Variants in CCDC171 observed in about 807,000 individuals in gnomAD.
The protein encoded by CCDC171 is coiled-coil domain-containing protein 171.
A neutral mutation model predicts 168.2 loss-of-function variants in CCDC171; 177 were observed. That is an observed-to-expected ratio of 1.05 (90% CI 0.93 to 1.19). CCDC171 has a LOEUF of 1.19. Ranked by LOEUF, CCDC171 falls within the 50% of genes most tolerant of loss-of-function variation. CCDC171 has a pLI of 0.00. For synonymous variants in CCDC171, 687 were observed against 540.8 expected (o/e 1.27, Z -3.75); for missense variants, 1,991 against 1,539.0 (o/e 1.29, Z -4.91).
At chr9:15,937,847 C>T (rs2132244659) in intron 25 of CCDC171, among the ~76,000 whole-genome samples, 1 of 151,898 alleles carries the variant, frequency 6.6e-6, no homozygotes, top group Admixed American at 6.6e-5. Context: ...GTATTTAACT[C>T]TGTCACTGTG....
chr9:15,862,207 T>A (rs545483551), intron 23 of CCDC171, among the ~76,000 whole-genome samples: 10 of 151,876 alleles, frequency 6.6e-5, no homozygotes, highest in African/African-American at 1.2e-4. Flanking sequence ...GACTTAAAAA[T>A]TCTCTTTTTT....
chr9:16,002,868 C>A (rs974186573), intron 3 of CCDC171, among the ~76,000 whole-genome samples: 4 of 152,154 alleles, frequency 2.6e-5, no homozygotes, highest in Non-Finnish European at 5.9e-5. Context: ...CAACTGCCTA[C>A]AGTATTCAGT....
Position 15,908,426 on chromosome 9 carries a change from G to A in CCDC171, c.3601-11844G>A, listed in dbSNP as rs771744581. Reference sequence around the variant, plus strand: ...AAGGAGAAAAAACAAAACACTGCATGTTCTCACTCATAGGTGGGAATTGAA... The same window carrying A: ...AAGGAGAAAAAACAAAACACTGCATATTCTCACTCATAGGTGGGAATTGAA... On this transcript the variant is annotated intron_variant, in intron 24 of 25. Coordinates refer to ENST00000380701, the MANE Select transcript of CCDC171 (RefSeq NM_173550.4). Among the ~76,000 whole-genome samples the A allele has an allele frequency of 2.7e-5, 4 of 145,596 alleles. No homozygotes were observed. The East Asian group carries it at 8.2e-4, about 30-fold the overall frequency.
At chr9:15,587,246 A>G (rs2041637300) in intron 4 of CCDC171, among the ~76,000 whole-genome samples, 1 of 152,124 alleles carries the variant, frequency 6.6e-6, no homozygotes, top group Non-Finnish European at 1.5e-5. Context: ...CCCCTCCCAA[A>G]TCTCATCTTG....
chr9:15,994,758 C>A (rs1832317557), intron 3 of CCDC171, among the ~76,000 whole-genome samples: 3 of 152,164 alleles, frequency 2.0e-5, no homozygotes, highest in Admixed American at 6.5e-5. Context: ...TTACAATCAC[C>A]TTGATTCTGA....
At chr9:15,847,721 A>G (rs1240764511) in intron 22 of CCDC171, among the ~76,000 whole-genome samples, 2 of 152,126 alleles carry the variant, frequency 1.3e-5, no homozygotes, top group African/African-American at 4.8e-5. Flanking sequence ...AACATAAAAT[A>G]TCGTCAGATA....
intron 9 of CCDC171, among the ~76,000 whole-genome samples, chr9:15,671,994 C>T (rs1158699861): frequency 3.3e-5 from 5 of 152,202 alleles, no homozygotes; most frequent in African/African-American, 1.2e-4. Context: ...TATTTCTCCA[C>T]ATCCTCTCCA....
chr9:15,995,109 G>T (rs866897795), intron 3 of CCDC171, among the ~76,000 whole-genome samples: 1 of 152,088 alleles, frequency 6.6e-6, no homozygotes, highest in African/African-American at 2.4e-5. Flanking sequence ...CCACGCCTCT[G>T]TTCATTGCTG....
intron 16 of CCDC171, among the ~76,000 whole-genome samples, chr9:15,730,119 G>A (rs1588173517): frequency 6.6e-6 from 1 of 151,676 alleles, no homozygotes; most frequent in Admixed American, 6.6e-5. Context: ...AAAGTATTTG[G>A]TAATGTATTG....
chr9:16,018,135 G>A (rs1833075640), intron 3 of CCDC171, among the ~76,000 whole-genome samples: 1 of 152,142 alleles, frequency 6.6e-6, no homozygotes, highest in African/African-American at 2.4e-5. Flanking sequence ...ATAGATGTTA[G>A]GTGCTAATCT....
intron 2 of CCDC171, 147 bp downstream of exon 2, chr9:15,564,276 A>T (rs971128670): frequency 5.2e-6 from 3 of 576,240 alleles, no homozygotes; most frequent in African/African-American, 3.8e-5. Flanking sequence ...AGCATGAATG[A>T]AGCCTCATAA....
At chr9:15,618,548 G>A (rs1269407587) in intron 6 of CCDC171, among the ~76,000 whole-genome samples, 1 of 152,164 alleles carries the variant, frequency 6.6e-6, no homozygotes, top group African/African-American at 2.4e-5. Flanking sequence ...TCTCACTGGA[G>A]TTCCAGGTGC....
chr9:16,019,550 G>A (rs1833107844), intron 3 of CCDC171, among the ~76,000 whole-genome samples: 1 of 151,486 alleles, frequency 6.6e-6, no homozygotes, highest in Non-Finnish European at 1.5e-5. Context: ...TTAGATAAGG[G>A]GTGGTGGGGG....
At chr9:15,790,662 G>A (rs1397727976) in intron 21 of CCDC171, among the ~76,000 whole-genome samples, 2 of 152,128 alleles carry the variant, frequency 1.3e-5, no homozygotes, top group Non-Finnish European at 2.9e-5. Flanking sequence ...TAGACATGAA[G>A]TCCTTGCCCA....
chr9:15,809,573 T>C (rs1376895215), intron 21 of CCDC171, among the ~76,000 whole-genome samples: 1 of 152,154 alleles, frequency 6.6e-6, no homozygotes, highest in Non-Finnish European at 1.5e-5. Context: ...CTGCAGACTT[T>C]CGCGGTGTGT....
chr9:15,913,031 A>G (rs538788143), intron 24 of CCDC171, among the ~76,000 whole-genome samples: 3 of 152,218 alleles, frequency 2.0e-5, no homozygotes, highest in Admixed American at 6.5e-5. Context: ...AGGTTTTGCT[A>G]TCAGGATGTT....
In CCDC171 at chr9:15,972,979, T is replaced by C. The variant is rs1374887456; in HGVS notation, c.*1143T>C. The C allele has an allele frequency of 6.6e-6, 1 of 152,152 alleles. No homozygotes were observed. Among genetic ancestry groups the C allele is most frequent in the Non-Finnish European group, 1.5e-5 (1 of 68,028 alleles). 9.4% of individuals were successfully genotyped at this position (152,152 alleles called of 1,614,324 possible). On this transcript the variant is annotated 3_prime_UTR_variant, in exon 26 of 26. Transcript: ENST00000380701. ...ACTTACTTGACAAGCTTTTGGGTGCTTTGTGGCTTGACAAAGTGATGTTCT... is the reference window on the plus strand; with the variant it reads ...ACTTACTTGACAAGCTTTTGGGTGCCTTGTGGCTTGACAAAGTGATGTTCT...
intron 21 of CCDC171, among the ~76,000 whole-genome samples, chr9:15,807,840 G>C (rs960527568): frequency 6.6e-6 from 1 of 150,794 alleles, no homozygotes; most frequent in Non-Finnish European, 1.5e-5. Flanking sequence ...CAAGATTGCC[G>C]TTTCTGCTTG....
At chr9:16,031,777 G>A (rs1833367693) in intron 6 of CCDC171, among the ~76,000 whole-genome samples, 1 of 152,154 alleles carries the variant, frequency 6.6e-6, no homozygotes, top group South Asian at 2.1e-4. Context: ...CATTTTTGAT[G>A]AGGCTCAACT....
Sources: allele counts gnomAD v4.1 joint callset (sites outside exome capture counted in the v4.1 genomes callset), GRCh38; gene constraint gnomAD v4.1.1; transcripts MANE v1.5; gene names NCBI Gene and HGNC (gene_info 2026-07-23, HGNC 2026-07-21).